STK39: variants seen among roughly 807,000 people sequenced by gnomAD.
STK39 encodes the protein serine/threonine kinase 39.
In STK39, 20 loss-of-function variants were observed where a neutral mutation model predicts 77.8. That is an observed-to-expected ratio of 0.26 (90% confidence interval 0.18 to 0.37). The LOEUF (loss-of-function observed/expected upper bound fraction) is 0.37, where lower values mean the gene tolerates loss of function less well. Among genes scored for constraint, STK39 ranks in the 10% least tolerant of loss-of-function variants. The pLI, the probability that STK39 is intolerant of heterozygous loss-of-function variation, is 1.00. For missense variants in STK39, 479 were observed against 656.5 expected (o/e 0.73, Z 2.95); for synonymous variants, 246 against 234.1 (o/e 1.05, Z -0.47).
Position 168,206,029 on chromosome 2 carries a change from T to G in STK39, c.209-23939A>C, listed in dbSNP as rs578090585. 9.9e-5 allele frequency among the ~76,000 whole-genome samples: 15 copies of G among 152,260 alleles called. 1 individual carries two copies. In the South Asian group the frequency reaches 2.5e-3, roughly 25 times the overall value. ...AGTTCCCTTTAAACAGATTTTCAAA[T>G]CAAAGCCCCCAATTCATATAACTCT... On this transcript the variant is annotated intron_variant, in intron 1 of 17. Transcript: ENST00000355999.
At chr2:167,965,427 A>G (rs913177972) in intron 16 of STK39, among the ~76,000 whole-genome samples, 4 of 152,208 alleles carry the variant, frequency 2.6e-5, no homozygotes, top group Non-Finnish European at 4.4e-5. Flanking sequence ...AGCTGGATTC[A>G]TTGGAGATCT....
At chr2:168,228,153 A>G (rs1690356332) in intron 1 of STK39, among the ~76,000 whole-genome samples, 1 of 152,206 alleles carries the variant, frequency 6.6e-6, no homozygotes, top group South Asian at 2.1e-4. Flanking sequence ...TACACTTAAC[A>G]CACTTTGCAG....
chr2:168,065,423 G>A (rs1429823982), intron 12 of STK39, 42 bp from the exon 13 acceptor site: 1 of 1,596,296 alleles, frequency 6.3e-7, no homozygotes, highest in Non-Finnish European at 8.6e-7. Context: ...GAAAGCCAAA[G>A]GGAGACACGG....
intron 16 of STK39, among the ~76,000 whole-genome samples, chr2:167,991,544 T>C (rs1482845301): frequency 1.3e-5 from 2 of 152,218 alleles, no homozygotes; most frequent in Admixed American, 1.3e-4. Flanking sequence ...CACCCTGTGA[T>C]GTTACTGCTG....
intron 14 of STK39, among the ~76,000 whole-genome samples, chr2:168,025,908 A>G (rs1684685036): frequency 6.6e-6 from 1 of 152,232 alleles, no homozygotes; most frequent in Non-Finnish European, 1.5e-5. Context: ...AAGACTGGTC[A>G]GCTGAGCCCA....
rs560999256 is a variant in STK39, at chr2:168,187,532, T to C, written c.209-5442A>G. On this transcript the variant is annotated intron_variant, in intron 1 of 17. Coordinates refer to ENST00000355999, the MANE Select transcript of STK39 (RefSeq NM_013233.3). ...TTCACTCATAGAGTGGTTGTGAGGATTAAATGAGTTAACACAAAAAAAGTC... is the reference window on the plus strand; with the variant it reads ...TTCACTCATAGAGTGGTTGTGAGGACTAAATGAGTTAACACAAAAAAAGTC... Among the ~76,000 whole-genome samples, 3 of 152,282 alleles carry C rather than the reference T, an allele frequency of 2.0e-5. No homozygotes were observed. In the South Asian group the frequency reaches 6.2e-4, roughly 32 times the overall value.
At chr2:167,984,189 G>C (rs1158533164) in intron 16 of STK39, among the ~76,000 whole-genome samples, 1 of 152,168 alleles carries the variant, frequency 6.6e-6, no homozygotes, top group Non-Finnish European at 1.5e-5. Flanking sequence ...AGATGCTGAG[G>C]AGATATAAAC....
At chr2:167,978,150 T>C (rs1161764368) in intron 16 of STK39, among the ~76,000 whole-genome samples, 1 of 152,180 alleles carries the variant, frequency 6.6e-6, no homozygotes, top group Non-Finnish European at 1.5e-5. Flanking sequence ...AGTGATGGTA[T>C]TCCCAGGAGC....
At chr2:168,232,043 G>C in intron 1 of STK39, 1 of 248,558 alleles carries the variant, frequency 4.0e-6, no homozygotes, top group Non-Finnish European at 8.9e-6. Flanking sequence ...TACAATAATA[G>C]GCATCAGAGA....
At position 168,112,276 on chromosome 2, in the gene STK39, C is replaced by T. The variant is rs186608340; in HGVS notation, c.1089+17265G>A. Among the ~76,000 whole-genome samples the T allele has an allele frequency of 2.8e-4, 42 of 152,198 alleles. 1 individual carries two copies. Among genetic ancestry groups the T allele is most frequent in the East Asian group, 9.7e-4 (5 of 5,174 alleles). On this transcript the variant is annotated intron_variant, in intron 10 of 17. Transcript: ENST00000355999. ...TCTTCACACTGGACTCTTGGGACTC[C>T]TAAGGTTCTTCAAAAACCCCTCATG...
intron 16 of STK39, among the ~76,000 whole-genome samples, chr2:167,995,236 A>G (rs1037451272): frequency 6.6e-5 from 10 of 151,958 alleles, no homozygotes; most frequent in Non-Finnish European, 5.9e-5. Context: ...CAGCCTGCTG[A>G]GTAGCTGGGA....
chr2:168,228,746 G>A (rs939813165), intron 1 of STK39, among the ~76,000 whole-genome samples: 4 of 152,080 alleles, frequency 2.6e-5, no homozygotes, highest in East Asian at 3.9e-4. Flanking sequence ...CCGAGATTGC[G>A]CCATTGCACT....
intron 14 of STK39, among the ~76,000 whole-genome samples, chr2:168,031,029 G>GA (rs1166079351): frequency 2.0e-5 from 3 of 152,098 alleles, no homozygotes; most frequent in Non-Finnish European, 2.9e-5. Flanking sequence ...CAAAAAGAAA[G>GA]AAAAAATGCA....
chr2:168,218,898 T>G (rs906364358), intron 1 of STK39, among the ~76,000 whole-genome samples: 2 of 151,796 alleles, frequency 1.3e-5, no homozygotes, highest in Non-Finnish European at 2.9e-5. Flanking sequence ...TGTTAAATCT[T>G]ACTACATAAA....
chr2:168,226,322 C>A (rs143379371), intron 1 of STK39, among the ~76,000 whole-genome samples: 13 of 152,072 alleles, frequency 8.5e-5, no homozygotes, highest in African/African-American at 3.1e-4. Context: ...GCTAGAAAAC[C>A]CAGGATTATG....
At chr2:168,211,524 T>G (rs1390713496) in intron 1 of STK39, among the ~76,000 whole-genome samples, 1 of 152,228 alleles carries the variant, frequency 6.6e-6, no homozygotes, top group East Asian at 1.9e-4. Context: ...GCCTTCAACC[T>G]CTAAACCAGT....
chr2:168,172,598 C>T (rs1377112724), intron 2 of STK39, among the ~76,000 whole-genome samples: 1 of 152,124 alleles, frequency 6.6e-6, no homozygotes, highest in Non-Finnish European at 1.5e-5. Flanking sequence ...AAAGTTAAAA[C>T]CTGATTTCTT....
chr2:168,125,932 G>A (rs1285334874), intron 10 of STK39, among the ~76,000 whole-genome samples: 1 of 152,164 alleles, frequency 6.6e-6, no homozygotes, highest in African/African-American at 2.4e-5. Context: ...GCACTGGTGG[G>A]CTCCATGGGG....
intron 4 of STK39, among the ~76,000 whole-genome samples, chr2:168,162,746 G>C (rs1688606544): frequency 6.6e-6 from 1 of 151,836 alleles, no homozygotes; most frequent in African/African-American, 2.4e-5. Context: ...GAAAAATATA[G>C]GCCAGCCACA....
Sources: allele counts gnomAD v4.1 joint callset (sites outside exome capture counted in the v4.1 genomes callset), GRCh38; gene constraint gnomAD v4.1.1; transcripts MANE v1.5; gene names NCBI Gene and HGNC (gene_info 2026-07-23, HGNC 2026-07-21).